The following NPRL3 variants were observed in gnomAD, a reference collection of about 807,000 sequenced individuals.
NPRL3 encodes the protein GATOR1 complex protein NPRL3.
Under a neutral mutation model 57.2 loss-of-function variants are expected in NPRL3, and 23 were observed. The observed-to-expected ratio is 0.40, with a 90% confidence interval of 0.29 to 0.57. NPRL3 has a LOEUF of 0.57. NPRL3 is among the 20% of genes least tolerant of loss of function. NPRL3 has a pLI of 0.42. For missense variants in NPRL3, 691 were observed against 767.1 expected (o/e 0.90, Z 1.17); for synonymous variants, 333 against 321.1 (o/e 1.04, Z -0.39).
chr16:131,822 G>A (rs911771148), intron 2 of NPRL3, among the ~76,000 whole-genome samples: 3 of 151,948 alleles, frequency 2.0e-5, no homozygotes, highest in South Asian at 2.1e-4. Flanking sequence ...TCTGTCGTAC[G>A]GGACGTTGAC....
At chr16:132,959 G>C (rs1045485862) in intron 2 of NPRL3, among the ~76,000 whole-genome samples, 1 of 152,084 alleles carries the variant, frequency 6.6e-6, no homozygotes, top group Non-Finnish European at 1.5e-5. Context: ...GTGAGCCACC[G>C]CACCCGGCCC....
chr16:89,247 A>T (rs970854971), intron 12 of NPRL3: 2 of 302,394 alleles, frequency 6.6e-6, no homozygotes, highest in Non-Finnish European at 1.2e-5. Flanking sequence ...TGAAGCCTAC[A>T]GCCAGACCTC....
In NPRL3 at chr16:92,739, A is replaced by G. The variant is rs1256422661; in HGVS notation, c.1032-14T>C. The G allele has an allele frequency of 1.4e-5, 22 of 1,612,458 alleles. No individual in the cohort carries two copies. The highest frequency in any genetic ancestry group is 1.8e-5 in the Non-Finnish European group (21 of 1,179,284). ...AGCGGGGAGTACCTGCAGGCAGGTG[A>G]GCATGCCAGTGAGTGCAGCAGACCC... On this transcript the variant is annotated splice_polypyrimidine_tract_variant and intron_variant, in intron 10 of 13. Coordinates refer to ENST00000611875, the MANE Select transcript of NPRL3 (RefSeq NM_001077350.3).
At chr16:106,973 G>C (rs1036125621) in intron 7 of NPRL3, among the ~76,000 whole-genome samples, 4 of 152,198 alleles carry the variant, frequency 2.6e-5, no homozygotes, top group African/African-American at 9.6e-5. Context: ...GCCAGACAAG[G>C]ATGGGTACAG....
chr16:104,126 C>CA (rs199846582), intron 7 of NPRL3, among the ~76,000 whole-genome samples: 4,863 of 95,326 alleles, frequency 0.051, 327 homozygotes, highest in African/African-American at 0.17. Context: ...AACTCCATCT[C>CA]AAAAAAAAAA....
intron 2 of NPRL3, 42 bp from the exon 3 acceptor site, chr16:130,633 G>A: frequency 1.3e-6 from 2 of 1,540,392 alleles, no homozygotes; most frequent in Non-Finnish European, 8.8e-7. Context: ...AGAAAACAGG[G>A]TCCTTCCACA....
chr16:101,148 CT>C (rs1001031807), intron 7 of NPRL3, among the ~76,000 whole-genome samples: 3 of 152,132 alleles, frequency 2.0e-5, no homozygotes, highest in Non-Finnish European at 4.4e-5. Flanking sequence ...GTCCAGACCC[CT>C]GGCAGACACC....
At chr16:104,016 A>G (rs1476008564) in intron 7 of NPRL3, among the ~76,000 whole-genome samples, 3 of 152,106 alleles carry the variant, frequency 2.0e-5, no homozygotes, top group Non-Finnish European at 4.4e-5. Context: ...TGGAAGGCTG[A>G]GGCAGGAAAA....
chr16:113,689 G>A (rs1205590446), intron 5 of NPRL3, among the ~76,000 whole-genome samples: 1 of 152,228 alleles, frequency 6.6e-6, no homozygotes, highest in Non-Finnish European at 1.5e-5. Flanking sequence ...TGGGACAAGG[G>A]AAAGGGGTGA....
chr16:90,137 C>T, intron 11 of NPRL3: 1 of 502,278 alleles, frequency 2.0e-6, no homozygotes, highest in Non-Finnish European at 3.5e-6. Context: ...CCTGCACAGG[C>T]TCCCACCACA....
chr16:116,716 A>C (rs1480725294), intron 5 of NPRL3, among the ~76,000 whole-genome samples: 1 of 151,192 alleles, frequency 6.6e-6, no homozygotes, highest in African/African-American at 2.4e-5. Context: ...TAATCCCAGC[A>C]GTCTGGGAGG....
In NPRL3 at chr16:93,988, G is replaced by A. The variant is rs1030347175; in HGVS notation, c.925-663C>T. Among the ~76,000 whole-genome samples the A allele has an allele frequency of 2.6e-5, 4 of 152,192 alleles. No individual in the cohort carries two copies. In the South Asian group the frequency reaches 6.2e-4, roughly 24 times the overall value. ...AGCATGGGAATGTCTGGGGTGCTGG[G>A]AACACAGTGCTGGCCCAGCTGGGCA... On this transcript the variant is annotated intron_variant, in intron 9 of 13. Transcript: ENST00000611875.
intron 7 of NPRL3, among the ~76,000 whole-genome samples, chr16:109,245 GCGTGAGT>G (rs1312023438): frequency 2.6e-5 from 4 of 152,242 alleles, no homozygotes; most frequent in African/African-American, 7.2e-5. Context: ...GGGATTACAG[GCGTGAGT>G]CACCACGCCC....
At chr16:130,433 G>T in intron 3 of NPRL3, 89 bp downstream of exon 3, 1 of 1,337,282 alleles carries the variant, frequency 7.5e-7, no homozygotes, top group Non-Finnish European at 1.0e-6. Flanking sequence ...TTCTCAGGGA[G>T]AAAACATCTG....
intron 2 of NPRL3, among the ~76,000 whole-genome samples, chr16:135,863 T>C (rs1049683242): frequency 1.4e-4 from 22 of 151,842 alleles, no homozygotes; most frequent in African/African-American, 5.1e-4. Context: ...CCTTCAAATC[T>C]ATAAGGAAAA....
rs550035696 is a variant in NPRL3, at chr16:128,878, C to T, written c.188+1644G>A. 1.2e-4 allele frequency among the ~76,000 whole-genome samples: 19 copies of T among 152,156 alleles called. No homozygotes were observed. In the South Asian group the frequency reaches 2.5e-3, roughly 20 times the overall value. On this transcript the variant is annotated intron_variant, in intron 3 of 13. Transcript: ENST00000611875. ...GGCAGAGCAGGGGCTTGCGGGCCTACGTGACAAAATAAACCAGGAGGGGAA... is the reference window on the plus strand; with the variant it reads ...GGCAGAGCAGGGGCTTGCGGGCCTATGTGACAAAATAAACCAGGAGGGGAA...
At chr16:123,998 C>A (rs1358387951) in intron 3 of NPRL3, among the ~76,000 whole-genome samples, 1 of 125,504 alleles carries the variant, frequency 8.0e-6, no homozygotes, top group African/African-American at 3.0e-5. Context: ...ACTCCCCACG[C>A]TGAGAAACAG....
chr16:128,489 C>T (rs1232111664), intron 3 of NPRL3, among the ~76,000 whole-genome samples: 1 of 152,194 alleles, frequency 6.6e-6, no homozygotes, highest in Admixed American at 6.5e-5. Context: ...AAGACACGGG[C>T]CGGGCGCGGT....
intron 5 of NPRL3, among the ~76,000 whole-genome samples, chr16:116,799 C>CCCCCCCCT (rs1555443766): frequency 6.9e-6 from 1 of 145,214 alleles, no homozygotes; most frequent in Admixed American, 6.9e-5. Context: ...CCCCCCCCCC[C>CCCCCCCCT]ACCGATCTCT....
Sources: allele counts gnomAD v4.1 joint callset (sites outside exome capture counted in the v4.1 genomes callset), GRCh38; gene constraint gnomAD v4.1.1; transcripts MANE v1.5; gene names NCBI Gene and HGNC (gene_info 2026-07-23, HGNC 2026-07-21).